Variants in PXDNL observed in about 807,000 individuals in gnomAD.
The protein encoded by PXDNL is probable oxidoreductase PXDNL.
PXDNL carries 145 observed loss-of-function variants against 150.8 expected under a neutral mutation model. The observed-to-expected ratio is 0.96, with a 90% CI of 0.84 to 1.10. PXDNL has a LOEUF of 1.10. PXDNL is among the 50% of genes least tolerant of loss of function. The pLI is 0.00. For missense variants in PXDNL, 2,087 were observed against 1,873.9 expected, an observed-to-expected ratio of 1.11 and a Z score of -2.10; for synonymous variants, 757 against 725.7, an observed-to-expected ratio of 1.04 and a Z score of -0.69.
intron 3 of PXDNL, among the ~76,000 whole-genome samples, chr8:51,587,143 T>C (rs1457173924): frequency 3.3e-5 from 5 of 152,188 alleles, no homozygotes; most frequent in Non-Finnish European, 7.4e-5. Flanking sequence ...TGTCAAGATG[T>C]TTCTGAATAA....
chr8:51,352,909 A>G (rs1370406553), intron 19 of PXDNL, among the ~76,000 whole-genome samples: 1 of 152,162 alleles, frequency 6.6e-6, no homozygotes, highest in Non-Finnish European at 1.5e-5. Flanking sequence ...ATGGGTACCC[A>G]TGGATAGACA....
At chr8:51,718,336 G>A (rs749024494) in intron 1 of PXDNL, among the ~76,000 whole-genome samples, 2 of 152,188 alleles carry the variant, frequency 1.3e-5, no homozygotes, top group Non-Finnish European at 2.9e-5. Context: ...CAGCAGGGAA[G>A]CTCTCCACCC....
At chr8:51,398,845 C>T (rs1808165183) in intron 17 of PXDNL, among the ~76,000 whole-genome samples, 1 of 152,112 alleles carries the variant, frequency 6.6e-6, no homozygotes, top group African/African-American at 2.4e-5. Flanking sequence ...CAGAAAAGGA[C>T]ATTAAAGCCA....
Position 51,709,016 on chromosome 8 carries a change from C to T in PXDNL, c.165-54256G>A, listed in dbSNP as rs186766920. ...CAGCCTTTGGGGTTTAAGCAGAAGA[C>T]GAGCAGACTGCTAAGGGATGAAGAA... On this transcript the variant is annotated intron_variant, in intron 1 of 22. Transcript: ENST00000356297. 2.6e-4 allele frequency among the ~76,000 whole-genome samples: 39 copies of T among 151,998 alleles called. 1 individual carries two copies. The highest frequency in any genetic ancestry group is 1.9e-3 in the Admixed American group (29 of 15,270).
At chr8:51,580,873 G>A (rs1426578164) in intron 3 of PXDNL, among the ~76,000 whole-genome samples, 1 of 152,112 alleles carries the variant, frequency 6.6e-6, no homozygotes, top group Non-Finnish European at 1.5e-5. Context: ...GCTGCTGGCT[G>A]TTCATGAAAT....
chr8:51,737,389 G>A (rs916205512), intron 1 of PXDNL, among the ~76,000 whole-genome samples: 1 of 152,160 alleles, frequency 6.6e-6, no homozygotes, highest in African/African-American at 2.4e-5. Context: ...ACTTTCATGT[G>A]GGCAATGACC....
intron 1 of PXDNL, among the ~76,000 whole-genome samples, chr8:51,696,376 T>C (rs13249404): frequency 0.67 from 101,836 of 152,120 alleles, 35,200 homozygotes; most frequent in East Asian, 0.81. Flanking sequence ...GGCGGCCGTC[T>C]GCAAGCCAAG....
At chr8:51,369,823 T>C in intron 19 of PXDNL, among the ~76,000 whole-genome samples, 1 of 152,158 alleles carries the variant, frequency 6.6e-6, no homozygotes, top group East Asian at 1.9e-4. Flanking sequence ...ACCCCAACCC[T>C]CCTCTGGTCT....
At chr8:51,776,068 G>A (rs550427545) in intron 1 of PXDNL, among the ~76,000 whole-genome samples, 7 of 152,218 alleles carry the variant, frequency 4.6e-5, no homozygotes, top group African/African-American at 1.2e-4. Context: ...CTCCTGTAGC[G>A]CTCCCAGGCT....
intron 5 of PXDNL, among the ~76,000 whole-genome samples, chr8:51,494,074 C>T (rs1319297336): frequency 5.9e-5 from 9 of 152,118 alleles, no homozygotes; most frequent in African/African-American, 1.4e-4. Context: ...AGACTAACAG[C>T]GGATCTCTCA....
chr8:51,579,832 A>C (rs1210651277), intron 3 of PXDNL, among the ~76,000 whole-genome samples: 2 of 151,964 alleles, frequency 1.3e-5, no homozygotes, highest in East Asian at 3.9e-4. Context: ...AACCAGGATG[A>C]CTCTCCAGAG....
At position 51,408,384 on chromosome 8, in the gene PXDNL, C is replaced by A; in HGVS notation, c.3240G>T (p.Pro1080=). 1 of 1,614,036 alleles carries A rather than the reference C, an allele frequency of 6.2e-7. No individual in the cohort carries two copies. Among genetic ancestry groups the A allele is most frequent in the Non-Finnish European group, 8.5e-7 (1 of 1,179,894 alleles). The change falls in exon 17 of 23, where the codon CCG becomes CCT. Residue 1080 remains proline (P), a synonymous_variant. Transcript: ENST00000356297. ...ACGGTGAAAAGAGCGCTTTATGGAACGGAAGGTGGCCTTCGGAAATTTCAC... is the reference window on the plus strand; with the variant it reads ...ACGGTGAAAAGAGCGCTTTATGGAAAGGAAGGTGGCCTTCGGAAATTTCAC... ...TLGEISEGHL[P]FHKALFSPSR...
intron 3 of PXDNL, among the ~76,000 whole-genome samples, chr8:51,563,984 C>T (rs1033171099): frequency 1.3e-5 from 2 of 151,874 alleles, no homozygotes; most frequent in Non-Finnish European, 2.9e-5. Flanking sequence ...GTTGGAAAGT[C>T]ATTTCTATAT....
intron 19 of PXDNL, among the ~76,000 whole-genome samples, chr8:51,363,819 C>CT (rs1218108856): frequency 6.6e-6 from 1 of 152,114 alleles, no homozygotes; most frequent in Non-Finnish European, 1.5e-5. Context: ...TGTATAAAAG[C>CT]TTTCCCATGC....
intron 3 of PXDNL, among the ~76,000 whole-genome samples, chr8:51,557,322 A>G (rs772570149): frequency 6.6e-6 from 1 of 152,184 alleles, no homozygotes; most frequent in Non-Finnish European, 1.5e-5. Flanking sequence ...TTAAGGGGAT[A>G]AAAGCATCTT....
intron 16 of PXDNL, among the ~76,000 whole-genome samples, chr8:51,410,055 A>G (rs1808583138): frequency 2.6e-5 from 4 of 152,138 alleles, no homozygotes. Context: ...TGTTTGTTTC[A>G]TTTCAGAATT....
At chr8:51,732,970 C>T (rs1256178196) in intron 1 of PXDNL, among the ~76,000 whole-genome samples, 3 of 152,188 alleles carry the variant, frequency 2.0e-5, no homozygotes, top group African/African-American at 7.2e-5. Context: ...AGGAGGGTTT[C>T]AACAATCTGT....
intron 19 of PXDNL, among the ~76,000 whole-genome samples, chr8:51,363,065 A>G (rs893337046): frequency 3.9e-5 from 6 of 152,134 alleles, no homozygotes; most frequent in African/African-American, 1.4e-4. Context: ...ACCAGCCAGA[A>G]TCAAGCCCAA....
chr8:51,697,580 C>G (rs1385411982), intron 1 of PXDNL, among the ~76,000 whole-genome samples: 3 of 152,038 alleles, frequency 2.0e-5, no homozygotes, highest in Non-Finnish European at 4.4e-5. Context: ...GAGAACCTAC[C>G]AAGGAAAACA....
Sources: gnomAD v4.1 joint callset for allele counts (sites outside exome capture counted in the v4.1 genomes callset) on GRCh38, gnomAD v4.1.1 for gene constraint, MANE v1.5 for transcripts, NCBI Gene and HGNC (gene_info 2026-07-23, HGNC 2026-07-21) for gene names.